ANO10: variants seen among roughly 807,000 people sequenced by gnomAD.
ANO10 encodes anoctamin-10.
A neutral mutation model predicts 74.7 loss-of-function variants in ANO10; 77 were observed. That is an observed-to-expected ratio of 1.03 (90% CI 0.86 to 1.25). The LOEUF (loss-of-function observed/expected upper bound fraction) is 1.25, where lower values mean the gene tolerates loss of function less well. Among genes scored for constraint, ANO10 ranks in the 50% most tolerant of loss-of-function variants. The pLI is 0.00. For missense variants in ANO10, 721 were observed against 778.1 expected, an observed-to-expected ratio of 0.93 and a Z score of 0.87; for synonymous variants, 279 against 284.9, an observed-to-expected ratio of 0.98 and a Z score of 0.21.
intron 11 of ANO10, among the ~76,000 whole-genome samples, chr3:43,525,017 C>T (rs145679937): frequency 6.6e-6 from 1 of 152,298 alleles, no homozygotes; most frequent in African/African-American, 2.4e-5. Context: ...TGAGTGAGAA[C>T]CATCCTCCAA....
intron 12 of ANO10, among the ~76,000 whole-genome samples, chr3:43,373,989 T>A (rs2091710688): frequency 6.6e-6 from 1 of 152,226 alleles, no homozygotes; most frequent in Non-Finnish European, 1.5e-5. Flanking sequence ...CTCCAAGTTA[T>A]GGATACCCCA....
chr3:43,489,780 C>A (rs183307718), intron 11 of ANO10, among the ~76,000 whole-genome samples: 39 of 151,886 alleles, frequency 2.6e-4, no homozygotes, highest in South Asian at 1.2e-3. Flanking sequence ...TAGTTTGCTA[C>A]AAAACAGTCT....
chr3:43,474,974 G>A (rs2076010245), intron 11 of ANO10, among the ~76,000 whole-genome samples: 1 of 152,054 alleles, frequency 6.6e-6, no homozygotes, highest in Admixed American at 6.6e-5. Flanking sequence ...TAGGAGAAAA[G>A]AAAGAAACAC....
chr3:43,391,434 A>T (rs1340373072), intron 12 of ANO10, among the ~76,000 whole-genome samples: 1 of 152,156 alleles, frequency 6.6e-6, no homozygotes, highest in African/African-American at 2.4e-5. Context: ...ACCATATAAG[A>T]AGTATTCAAC....
intron 12 of ANO10, among the ~76,000 whole-genome samples, chr3:43,395,775 A>AC (rs2092366335): frequency 6.6e-6 from 1 of 152,052 alleles, no homozygotes; most frequent in Admixed American, 6.6e-5. Flanking sequence ...CTTCTACAAA[A>AC]AAAAAAAAGC....
At chr3:43,602,215 T>G (rs1575525526) in intron 2 of ANO10, among the ~76,000 whole-genome samples, 1 of 152,290 alleles carries the variant, frequency 6.6e-6, no homozygotes, top group East Asian at 1.9e-4. Context: ...CTCAATAAAC[T>G]TCTTGTTCAT....
intron 11 of ANO10, among the ~76,000 whole-genome samples, chr3:43,490,133 G>A (rs2076661903): frequency 6.6e-6 from 1 of 152,186 alleles, no homozygotes; most frequent in African/African-American, 2.4e-5. Flanking sequence ...GAAGGCTTAC[G>A]TAAAGTCACT....
chr3:43,688,816 C>T (rs1010859610), intron 1 of ANO10, among the ~76,000 whole-genome samples: 5 of 151,384 alleles, frequency 3.3e-5, no homozygotes, highest in Non-Finnish European at 7.4e-5. Context: ...TGCACTCCAG[C>T]CAGGGCAACA....
At chr3:43,616,364 T>C (rs890278685) in intron 1 of ANO10, among the ~76,000 whole-genome samples, 14 of 152,330 alleles carry the variant, frequency 9.2e-5, no homozygotes, top group African/African-American at 3.1e-4. Flanking sequence ...CCTTTTGTTT[T>C]TTTCTTTTTG....
At chr3:43,609,119 A>G (rs1390868056) in intron 1 of ANO10, among the ~76,000 whole-genome samples, 1 of 136,412 alleles carries the variant, frequency 7.3e-6, no homozygotes, top group African/African-American at 2.6e-5. Flanking sequence ...TTTATACTTT[A>G]AAAACCAAGA....
At position 43,398,511 on chromosome 3, in the gene ANO10, C is replaced by T. The variant is rs140992459; in HGVS notation, c.1915-31537G>A. On this transcript the variant is annotated intron_variant, in intron 12 of 12. Coordinates refer to ENST00000292246, the MANE Select transcript of ANO10 (RefSeq NM_018075.5). ...TCACAGTCTAACCTTGGTCTCCTTC[C>T]TCATAGGTAACTTCTGTGAAGAGTT... 6.0e-4 allele frequency among the ~76,000 whole-genome samples: 91 copies of T among 152,272 alleles called. 1 individual carries two copies. The highest frequency in any genetic ancestry group is 2.1e-3 in the African/African-American group (86 of 41,536).
intron 11 of ANO10, among the ~76,000 whole-genome samples, chr3:43,525,249 ATGGTCCC>A (rs1404939747): frequency 6.6e-6 from 1 of 152,046 alleles, no homozygotes; most frequent in African/African-American, 2.4e-5. Context: ...CTGGGACTCC[ATGGTCCC>A]TGGGCAGGCT....
chr3:43,368,075 G>A (rs1451972730), intron 12 of ANO10, among the ~76,000 whole-genome samples: 4 of 152,148 alleles, frequency 2.6e-5, no homozygotes, highest in Non-Finnish European at 5.9e-5. Flanking sequence ...CCTCAGGAAG[G>A]TGCTCTCAAC....
At chr3:43,428,898 G>GA (rs1024798336) in intron 12 of ANO10, among the ~76,000 whole-genome samples, 199 of 141,132 alleles carry the variant, frequency 1.4e-3, no homozygotes, top group East Asian at 4.8e-3. Context: ...TCAAAAATCT[G>GA]AAAAAAAAAA....
chr3:43,404,660 T>C (rs1478453735), intron 12 of ANO10, among the ~76,000 whole-genome samples: 3 of 152,004 alleles, frequency 2.0e-5, no homozygotes, highest in East Asian at 1.9e-4. Context: ...GGTGGGAGAA[T>C]AGCTTGAGCC....
chr3:43,397,884 T>C (rs1220092404), intron 12 of ANO10, among the ~76,000 whole-genome samples: 1 of 152,226 alleles, frequency 6.6e-6, no homozygotes, highest in African/African-American at 2.4e-5. Flanking sequence ...CTTCACTGCC[T>C]GATGTCCACT....
chr3:43,571,134 G>A, intron 7 of ANO10, among the ~76,000 whole-genome samples: 1 of 150,218 alleles, frequency 6.7e-6, no homozygotes, highest in Non-Finnish European at 1.5e-5. Context: ...ACCACAATGA[G>A]ATACCATCTC....
chr3:43,669,353 T>A (rs926321948), intron 1 of ANO10, among the ~76,000 whole-genome samples: 8 of 152,196 alleles, frequency 5.3e-5, no homozygotes, highest in Non-Finnish European at 1.2e-4. Context: ...CTGGTAGCAT[T>A]CCTGGAGGTA....
At position 43,683,344 on chromosome 3, in the gene ANO10, G is replaced by A. The variant is rs574842754; in HGVS notation, c.-12+8173C>T. 1.3e-3 allele frequency among the ~76,000 whole-genome samples: 191 copies of A among 152,224 alleles called. 3 individuals carry two copies. The South Asian group carries it at 0.019, about 15-fold the overall frequency. On this transcript the variant is annotated intron_variant, in intron 1 of 3. Coordinates refer to the ANO10 transcript ENST00000413397. ...TTACCATTCACAATTGCTTCAAAGA[G>A]AATAAAATACCTAGGTCCAACTTAC...
Sources: gnomAD v4.1 joint callset for allele counts (sites outside exome capture counted in the v4.1 genomes callset) on GRCh38, gnomAD v4.1.1 for gene constraint, MANE v1.5 for transcripts, NCBI Gene and HGNC (gene_info 2026-07-23, HGNC 2026-07-21) for gene names.